Variants in NAV2 observed in about 807,000 individuals in gnomAD.
NAV2 encodes neuron navigator 2, also known as helicase, APC down-regulated 1.
Under a neutral mutation model 223.2 loss-of-function variants are expected in NAV2, and 54 were observed. The observed-to-expected ratio is 0.24, with a 90% CI of 0.19 to 0.30. NAV2 has a LOEUF of 0.30. Among genes scored for constraint, NAV2 ranks in the 10% least tolerant of loss-of-function variants. The pLI, the probability that NAV2 is intolerant of heterozygous loss-of-function variation, is 1.00. For synonymous variants in NAV2, 1,279 were observed against 1,239.3 expected (o/e 1.03, Z -0.67); for missense variants, 2,806 against 3,147.5 (o/e 0.89, Z 2.60).
At chr11:20,117,455 A>G (rs1284556098) in intron 37 of NAV2, among the ~76,000 whole-genome samples, 1 of 152,170 alleles carries the variant, frequency 6.6e-6, no homozygotes, top group Non-Finnish European at 1.5e-5. Context: ...CAGATGACGA[A>G]CTGCTGGCTC....
intron 1 of NAV2, among the ~76,000 whole-genome samples, chr11:19,449,568 C>T (rs1217728353): frequency 2.7e-5 from 4 of 147,362 alleles, no homozygotes; most frequent in East Asian, 2.1e-4. Flanking sequence ...CTGGCCCCCA[C>T]CTTGCACCTG....
At chr11:19,461,808 A>G (rs1046417522) in intron 1 of NAV2, among the ~76,000 whole-genome samples, 1 of 152,210 alleles carries the variant, frequency 6.6e-6, no homozygotes, top group Non-Finnish European at 1.5e-5. Flanking sequence ...TGAACCTTAT[A>G]TCTCGGTTAT....
intron 4 of NAV2, among the ~76,000 whole-genome samples, chr11:19,879,026 G>A (rs978114418): frequency 3.9e-5 from 6 of 152,096 alleles, no homozygotes; most frequent in African/African-American, 7.2e-5. Context: ...TGTCCCTCAC[G>A]CTCAGTAGCC....
At chr11:20,091,188 T>A (rs578201910) in intron 27 of NAV2, among the ~76,000 whole-genome samples, 170 bp downstream of exon 27, 1 of 152,354 alleles carries the variant, frequency 6.6e-6, no homozygotes, top group African/African-American at 2.4e-5. Context: ...ACCCAGTCTT[T>A]TGGAAGAATA....
In NAV2 at chr11:19,934,167, T is replaced by A. The variant is rs753449264; in HGVS notation, c.1923T>A (p.Ser641=). 5.6e-6 allele frequency: 9 copies of A among 1,613,918 alleles called. No homozygotes were observed. The highest frequency in any genetic ancestry group is 7.6e-6 in the Non-Finnish European group (9 of 1,180,004). Reference sequence around the variant, plus strand: ...TCAGCAGCCAGACTGTCAGTGGGTCTGTCGGGACCACCCAGACCACAGGAA... The same window carrying A: ...TCAGCAGCCAGACTGTCAGTGGGTCAGTCGGGACCACCCAGACCACAGGAA... ...HSISSQTVSG[S]VGTTQTTGSN... The change falls in exon 7 of 38, where the codon TCT becomes TCA. Residue 641 remains serine, a synonymous_variant. Transcript: ENST00000349880.
intron 11 of NAV2, among the ~76,000 whole-genome samples, chr11:20,004,256 C>CAA (rs2052826137): frequency 6.6e-6 from 1 of 152,210 alleles, no homozygotes; most frequent in Non-Finnish European, 1.5e-5. Flanking sequence ...AATTGTGATG[C>CAA]CAAAAGGTGG....
chr11:20,098,539 C>T (rs1383050688), intron 31 of NAV2, among the ~76,000 whole-genome samples: 1 of 152,190 alleles, frequency 6.6e-6, no homozygotes, highest in Non-Finnish European at 1.5e-5. Context: ...TCTTACTTCC[C>T]TGAAAGGCAC....
intron 1 of NAV2, among the ~76,000 whole-genome samples, chr11:19,553,367 T>C (rs911151424): frequency 4.1e-4 from 62 of 152,202 alleles, no homozygotes; most frequent in Non-Finnish European, 3.2e-4. Flanking sequence ...GCGGATTCTG[T>C]TCCTGGGGTT....
rs757183666 is a variant in NAV2 at position 19,787,270 on chromosome 11, C to CTTTTT, written c.268-45190_268-45186dup. On this transcript the variant is annotated intron_variant, in intron 1 of 37. Coordinates refer to ENST00000349880, the MANE Select transcript of NAV2 (RefSeq NM_145117.5). The stretch of plus-strand genomic sequence containing the variant: ...CATGCCTGGCTAATTTTTATTGGAT[C>CTTTTT]TTTTTTTTTTTTTTTTTTTTTTTTT... Among the ~76,000 whole-genome samples, 396 of 54,998 alleles carry CTTTTT rather than the reference C, an allele frequency of 7.2e-3. 142 individuals are homozygous for CTTTTT. Among genetic ancestry groups the CTTTTT allele is most frequent in the African/African-American group, 0.019 (310 of 16,146 alleles). 36.1% of individuals were successfully genotyped at this position (54,998 alleles called of 152,430 possible). A position where few individuals can be genotyped will look rare whatever the true frequency, so the allele number is the denominator to read the frequency against.
At position 20,044,267 on chromosome 11, in the gene NAV2, G is replaced by T. The variant is rs147773518; in HGVS notation, c.3194G>T (p.Gly1065Val). The T allele has an allele frequency of 2.3e-4, 364 of 1,606,482 alleles. No homozygotes were observed. Among genetic ancestry groups the T allele is most frequent in the Non-Finnish European group, 2.9e-4 (342 of 1,174,106 alleles). The change falls in exon 13 of 38, where the codon GGA (glycine) becomes GTA (valine). Residue 1065 changes from glycine (G) to valine (V), a missense_variant. By Grantham distance (109) the Gly-to-Val change is moderately radical (BLOSUM62 -3). This residue lies in a region of NAV2 where 742 missense variants were observed against 777.9 expected (regional missense o/e 0.95). Coordinates refer to ENST00000349880, the MANE Select transcript of NAV2 (RefSeq NM_145117.5). ...SAPAGALKTP[G>V]TGKTDDAKVS... is the part of the protein sequence containing the mutation. ...CCGGCAGGCGCACTGAAGACCCCAG[G>T]AACTGGTAAGAGGCCGGGGCTGTCT...
intron 36 of NAV2, among the ~76,000 whole-genome samples, chr11:20,113,697 C>T (rs887899458): frequency 1.3e-5 from 2 of 152,128 alleles, no homozygotes; most frequent in African/African-American, 4.8e-5. Context: ...AGACCCATTT[C>T]AAGAAACGGG....
At chr11:19,348,577 A>G (rs1853125373), upstream of NAV2, among the ~76,000 whole-genome samples, 1 of 152,228 alleles carries the variant, frequency 6.6e-6, no homozygotes, top group Non-Finnish European at 1.5e-5. Flanking sequence ...AAACATCTCT[A>G]TTTGAAGCAG....
intron 1 of NAV2, among the ~76,000 whole-genome samples, chr11:19,407,754 T>C (rs1177895911): frequency 7.0e-6 from 1 of 143,576 alleles, no homozygotes; most frequent in Non-Finnish European, 1.5e-5. Flanking sequence ...CTTCTTTCCC[T>C]TCCACACTCG....
chr11:20,068,843 G>C (rs2059214929), intron 22 of NAV2, among the ~76,000 whole-genome samples: 1 of 152,188 alleles, frequency 6.6e-6, no homozygotes, highest in Non-Finnish European at 1.5e-5. Flanking sequence ...ATGAGTTTAG[G>C]AGATGCTGCC....
At chr11:19,660,371 C>T (rs75295198) in intron 1 of NAV2, among the ~76,000 whole-genome samples, 2,074 of 152,290 alleles carry the variant, frequency 0.014, 50 homozygotes, top group African/African-American at 0.048. Flanking sequence ...TGAGTCATCA[C>T]TGTCACTCAC....
chr11:19,787,270 CTTTTTTTTTTTTT>C lies in NAV2; in HGVS notation c.268-45198_268-45186del, dbSNP rs757183666. On this transcript the variant is annotated intron_variant, in intron 1 of 37. Coordinates refer to ENST00000349880, the MANE Select transcript of NAV2 (RefSeq NM_145117.5). ...CATGCCTGGCTAATTTTTATTGGATCTTTTTTTTTTTTTTTTTTTTTTTTTTTTGGAGATGGGG... is the reference window on the plus strand; with the variant it reads ...CATGCCTGGCTAATTTTTATTGGATCTTTTTTTTTTTTTTTGGAGATGGGG... 2.5e-4 allele frequency among the ~76,000 whole-genome samples: 14 copies of C among 55,002 alleles called. 1 individual carries two copies. The highest frequency in any genetic ancestry group is 1.8e-3 in the South Asian group (2 of 1,088). 36.1% of individuals were successfully genotyped at this position (55,002 alleles called of 152,430 possible). A position where few individuals can be genotyped will look rare whatever the true frequency, so the allele number is the denominator to read the frequency against.
chr11:19,573,848 A>G (rs1317439364), intron 1 of NAV2, among the ~76,000 whole-genome samples: 1 of 152,022 alleles, frequency 6.6e-6, no homozygotes, highest in Non-Finnish European at 1.5e-5. Flanking sequence ...TGTCTGTGGG[A>G]GGCTCTTGGC....
At chr11:19,785,717 T>C (rs1045354230) in intron 1 of NAV2, among the ~76,000 whole-genome samples, 3 of 151,844 alleles carry the variant, frequency 2.0e-5, no homozygotes, top group Admixed American at 1.3e-4. Flanking sequence ...GGCCACTGTA[T>C]GGGGAGGAGT....
chr11:19,795,842 G>T (rs189685213), intron 1 of NAV2, among the ~76,000 whole-genome samples: 7 of 152,324 alleles, frequency 4.6e-5, no homozygotes, highest in Non-Finnish European at 1.0e-4. Flanking sequence ...CCCAGCAAAA[G>T]GTTTTATAGA....
Sources: allele counts gnomAD v4.1 joint callset (sites outside exome capture counted in the v4.1 genomes callset), GRCh38; gene constraint gnomAD v4.1.1; regional missense constraint gnomAD v4.1.1; transcripts MANE v1.5; gene names NCBI Gene and HGNC (gene_info 2026-07-23, HGNC 2026-07-21).